Variants in TTN observed in about 807,000 individuals in gnomAD.
TTN encodes connectin.
Under a neutral mutation model 3,223.0 loss-of-function variants are expected in TTN, and 1,525 were observed. The observed-to-expected ratio is 0.47, with a 90% CI of 0.45 to 0.49. The LOEUF (loss-of-function observed/expected upper bound fraction) is 0.49, where lower values mean the gene tolerates loss of function less well. TTN is among the 20% of genes least tolerant of loss of function. The pLI, the probability that TTN is intolerant of heterozygous loss-of-function variation, is 0.00. For missense variants in TTN, 40,786 were observed against 43,424.0 expected, an observed-to-expected ratio of 0.94 and a Z score of 5.40; for synonymous variants, 14,094 against 15,161.0, an observed-to-expected ratio of 0.93 and a Z score of 5.17.
intron 33 of TTN, among the ~76,000 whole-genome samples, chr2:178,772,735 T>A (rs1462047654): frequency 1.3e-5 from 2 of 152,168 alleles, no homozygotes; most frequent in African/African-American, 4.8e-5. Context: ...TATTGGAATA[T>A]ACAAATAGAA....
In TTN at chr2:178,724,432, C is replaced by G. The variant is rs746471698; in HGVS notation, c.20943G>C (p.Trp6981Cys). Residue 6981 changes from tryptophan to cysteine, a missense_variant, in exon 72 of 363, where the codon TGG (tryptophan) becomes TGC (cysteine). Trp to Cys is a radical substitution (Grantham distance 215). Coordinates refer to ENST00000589042, the MANE Select transcript of TTN (RefSeq NM_001267550.2). ...VAGTPELSVE[W>C]YKDGKLLTSS... ...TGGTCAACAGCTTTCCATCCTTGTACCATTCAACAGAGAGTTCCGGAGTGC... is the reference window on the plus strand; with the variant it reads ...TGGTCAACAGCTTTCCATCCTTGTAGCATTCAACAGAGAGTTCCGGAGTGC... The G allele has an allele frequency of 2.5e-6, 4 of 1,613,312 alleles. No homozygotes were observed. The East Asian group carries it at 8.9e-5, about 36-fold the overall frequency.
At chr2:178,793,328 C>T in intron 9 of TTN, 76 bp downstream of exon 9, 1 of 1,567,082 alleles carries the variant, frequency 6.4e-7, no homozygotes, top group Non-Finnish European at 8.7e-7. Context: ...GAACAACACT[C>T]TTCATGGTAA....
In TTN at chr2:178,605,463, A is replaced by G. The variant is rs1559722949; in HGVS notation, c.53832T>C (p.Gly17944=). The G allele has an allele frequency of 6.2e-7, 1 of 1,611,590 alleles. No individual in the cohort carries two copies. Among genetic ancestry groups the G allele is most frequent in the Non-Finnish European group, 8.5e-7 (1 of 1,178,482 alleles). The change falls in exon 279 of 363, where the codon GGT becomes GGC. Residue 17944 remains glycine (G), a synonymous_variant. Coordinates refer to ENST00000589042, the MANE Select transcript of TTN (RefSeq NM_001267550.2). ...TAAGAGGTAGGGATGGTTCACTTTC[A>G]CCAATTTCATTGACAGCTTTGACAC... ...EFRVKAVNEI[G]ESEPSLPLNV...
In TTN at chr2:178,784,196, G is replaced by A. The variant is rs775588479; in HGVS notation, c.2649C>T (p.Phe883=). 2.3e-5 allele frequency: 37 copies of A among 1,614,054 alleles called. No homozygotes were observed. The highest frequency in any genetic ancestry group is 1.1e-4 in the South Asian group (10 of 91,088). ...TCTTGTAAGTATCTGGTGTGTCAGC[G>A]AAGGGGAACTGTGGCAAGGGTGTGG... ...AEPTPLPQFP[F]ADTPDTYKSE... is the part of the protein sequence containing the mutation. Residue 883 remains phenylalanine, a synonymous_variant, in exon 16 of 363, where the codon TTC becomes TTT. Coordinates refer to ENST00000589042, the MANE Select transcript of TTN (RefSeq NM_001267550.2).
chr2:178,779,145 A>C (rs753799697), intron 23 of TTN, 27 bp from the exon 24 acceptor site: 59 of 1,613,280 alleles, frequency 3.7e-5, no homozygotes, highest in African/African-American at 5.3e-5. Flanking sequence ...GCATGTATGA[A>C]TAAAATTTAC....
In TTN at chr2:178,728,167, A is replaced by C. The variant is rs377449031; in HGVS notation, c.19657T>G (p.Cys6553Gly). The change falls in exon 67 of 363, where the codon TGC (cysteine) becomes GGC (glycine). Residue 6553 changes from cysteine (C) to glycine (G), a missense_variant. By Grantham distance (159) the Cys-to-Gly change is radical. Coordinates refer to ENST00000589042, the MANE Select transcript of TTN (RefSeq NM_001267550.2). ...LELEDTANYT[C>G]KVSNVAGDDA... The stretch of plus-strand genomic sequence containing the variant: ...TCTCCTGCTACATTTGACACTTTGC[A>C]TGTGTAATTTGCAGTATCTTCTAAT... 1 of 1,610,902 alleles carries C rather than the reference A, an allele frequency of 6.2e-7. No homozygotes were observed. The highest frequency in any genetic ancestry group is 8.5e-7 in the Non-Finnish European group (1 of 1,178,132).
At chr2:178,760,373 T>C (rs1478469526) in intron 43 of TTN, among the ~76,000 whole-genome samples, 2 of 151,774 alleles carry the variant, frequency 1.3e-5, no homozygotes, top group Non-Finnish European at 2.9e-5. Flanking sequence ...CTCCTGAAAA[T>C]ACAAAAATTA....
rs1686869145 is a variant in TTN, at chr2:178,527,334, G to C, written c.107681-27C>G. On this transcript the variant is annotated intron_variant, in intron 362 of 362. Transcript: ENST00000589042. ...TTTATGGAACAATGACAAAAAAAAG[G>C]TCTTAGAATCACTGAAAAAAATAAA... is the stretch of plus-strand genomic sequence containing the variant. The C allele has an allele frequency of 2.5e-6, 4 of 1,571,462 alleles. No individual in the cohort carries two copies. The East Asian group carries it at 9.0e-5, about 35-fold the overall frequency.
In TTN at chr2:178,778,674, T is replaced by C. The variant is rs2092475644; in HGVS notation, c.4208+200A>G. The C allele has an allele frequency of 6.9e-5, 47 of 682,792 alleles. 1 individual carries two copies. In the South Asian group the frequency reaches 7.7e-4, roughly 11 times the overall value. 42.3% of individuals were successfully genotyped at this position (682,792 alleles called of 1,614,324 possible). A position where few individuals can be genotyped will look rare whatever the true frequency, so the allele number is the denominator to read the frequency against. On this transcript the variant is annotated intron_variant, in intron 24 of 362. Coordinates refer to ENST00000589042, the MANE Select transcript of TTN (RefSeq NM_001267550.2). The stretch of plus-strand genomic sequence containing the variant: ...TATAGCACTAGGAAAATAAACAGTA[T>C]GTTACACTGATGAAAATTCTTTGCT...
Position 178,540,388 on chromosome 2 carries a change from A to C in TTN, c.97796-18T>G. ...TGGAGGAGCTGAGAATAAGAATAAG[A>C]ATATACTGGTTAAAGTTGCTGCAAA... On this transcript the variant is annotated intron_variant, in intron 350 of 362. Coordinates refer to ENST00000589042, the MANE Select transcript of TTN (RefSeq NM_001267550.2). 7 of 1,589,648 alleles carry C rather than the reference A, an allele frequency of 4.4e-6. No individual in the cohort carries two copies. Among genetic ancestry groups the C allele is most frequent in the Non-Finnish European group, 6.0e-6 (7 of 1,166,850 alleles).
intron 288 of TTN, 95 bp from the exon 289 acceptor site, chr2:178,599,945 G>T: frequency 8.5e-7 from 1 of 1,181,104 alleles, no homozygotes; most frequent in Non-Finnish European, 1.2e-6. Context: ...TGGATCCACT[G>T]TAGGCAGACT....
intron 240 of TTN, 113 bp downstream of exon 240, chr2:178,629,188 A>G: frequency 7.3e-7 from 1 of 1,364,376 alleles, no homozygotes; most frequent in African/African-American, 1.5e-5. Flanking sequence ...GGAAAGAGAA[A>G]GGCAAAGACA....
chr2:178,664,081 C>T lies in TTN; in HGVS notation c.36298G>A (p.Glu12100Lys), dbSNP rs1553792448. 1.2e-6 allele frequency: 2 copies of T among 1,611,740 alleles called. No individual in the cohort carries two copies. Among genetic ancestry groups the T allele is most frequent in the South Asian group, 2.2e-5 (2 of 90,790 alleles). Residue 12100 changes from glutamate (E) to lysine (K), a missense_variant, in exon 169 of 363, where the codon GAG (glutamate) becomes AAG (lysine). Transcript: ENST00000589042. ...GACACTTTCTTTTCAGGGATAATCT[C>T]TTTGGGAGCTTCGTGCACTTGAAAG... ...VPVKVHEAPK[E>K]IIPEKKVSVV... is the part of the protein sequence containing the mutation.
rs754744644 is a variant in TTN at position 178,528,956 on chromosome 2, C to A, written c.106795G>T (p.Ala35599Ser). Reference sequence around the variant, plus strand: ...GCATGAGTTCTGACTTCTTCTGATGCCTGTGATGTTTTAGTGATTTCCTCA... The same window carrying A: ...GCATGAGTTCTGACTTCTTCTGATGACTGTGATGTTTTAGTGATTTCCTCA... ...VHEEITKTSQ[A>S]SEEVRTHAEI... The change falls in exon 360 of 363, where the codon GCA becomes TCA. Residue 35599 changes from alanine to serine, a missense_variant. Ala to Ser is a moderately conservative substitution (Grantham distance 99). Coordinates refer to ENST00000589042, the MANE Select transcript of TTN (RefSeq NM_001267550.2). 2 of 1,613,840 alleles carry A rather than the reference C, an allele frequency of 1.2e-6. No homozygotes were observed. Among genetic ancestry groups the A allele is most frequent in the Admixed American group, 3.3e-5 (2 of 60,002 alleles).
rs866763453 is a variant in TTN, at chr2:178,584,529, G to A, written c.65022C>T (p.Asp21674=). 1.6e-5 allele frequency: 26 copies of A among 1,612,956 alleles called. No homozygotes were observed. In the Middle Eastern group the frequency reaches 2.1e-3, roughly 133 times the overall value. ...GTCTGTCCCAAGCAACAAAAATACA[G>A]TCCTTGTTGACTTTGGTGACTCGTG... ...KNARVTKVNK[D]CIFVAWDRPD... The change falls in exon 311 of 363, where the codon GAC becomes GAT. Residue 21674 remains aspartate (D), a synonymous_variant. Coordinates refer to ENST00000589042, the MANE Select transcript of TTN (RefSeq NM_001267550.2).
chr2:178,740,138 T>C lies in TTN; in HGVS notation c.13095A>G (p.Ala4365=), dbSNP rs2082233890. 2 of 1,613,848 alleles carry C rather than the reference T, an allele frequency of 1.2e-6. No homozygotes were observed. Among genetic ancestry groups the C allele is most frequent in the Non-Finnish European group, 1.7e-6 (2 of 1,179,830 alleles). ...CCTGTACCTCCTGCACTTTCTTTAT[T>C]GCCACGGGCTCTCTTTTAGACTCAA... is the stretch of plus-strand genomic sequence containing the variant. ...QIIESKREPV[A]IKKVQEVQGR... is the part of the protein sequence containing the mutation. Residue 4365 remains alanine (A), a synonymous_variant, in exon 48 of 363, where the codon GCA becomes GCG. Transcript: ENST00000589042.
Position 178,552,766 on chromosome 2 carries a change from G to A in TTN, c.90134C>T (p.Thr30045Ile), listed in dbSNP as rs763963229. The change falls in exon 335 of 363, where the codon ACA (threonine) becomes ATA (isoleucine). Residue 30045 changes from threonine to isoleucine, a missense_variant. Thr to Ile is a moderately conservative substitution (Grantham distance 89). Coordinates refer to ENST00000589042, the MANE Select transcript of TTN (RefSeq NM_001267550.2). ...TTTGGTCCAGCTGAGGATGACAGAT[G>A]TCTTTGTTGAGTCTTTCATTGAGAG... is the stretch of plus-strand genomic sequence containing the variant. ...RDLSMKDSTK[T>I]SVILSWTKPD... 22 of 1,613,850 alleles carry A rather than the reference G, an allele frequency of 1.4e-5. No homozygotes were observed. The highest frequency in any genetic ancestry group is 5.1e-6 in the Non-Finnish European group (6 of 1,179,852).
Position 178,663,705 on chromosome 2 carries a change from C to G in TTN, c.36454G>C (p.Glu12152Gln), listed in dbSNP as rs751592805. The change falls in exon 171 of 363, where the codon GAG becomes CAG. Residue 12152 changes from glutamate to glutamine, a missense_variant. Physicochemically the swap from Glu to Gln is conservative, Grantham distance 29. Transcript: ENST00000589042. ...EPEVPPVKVP[E>Q]PPKEVVPEKK... Reference sequence around the variant, plus strand: ...TCAGGAACTACTTCTTTGGGAGGCTCTGGTACTTAAAAGATATTAGCAAAA... The same window carrying G: ...TCAGGAACTACTTCTTTGGGAGGCTGTGGTACTTAAAAGATATTAGCAAAA... 10 of 1,613,370 alleles carry G rather than the reference C, an allele frequency of 6.2e-6. No homozygotes were observed. In the East Asian group the frequency reaches 2.2e-4, roughly 36 times the overall value.
In TTN at chr2:178,671,130, C is replaced by T. The variant is rs778338717; in HGVS notation, c.35268G>A (p.Pro11756=). The T allele has an allele frequency of 1.6e-5, 26 of 1,602,848 alleles. No individual in the cohort carries two copies. Among genetic ancestry groups the T allele is most frequent in the South Asian group, 5.6e-5 (5 of 88,984 alleles). ...CTTTTCGAGGAACAACTTTAGTGGG[C>T]GGTTTTTTTGGAGGGATGATTTTCT... ...ISEKIIPPKK[P]PTKVVPRKEP... Residue 11756 remains proline (P), a synonymous_variant, in exon 156 of 363, where the codon CCG becomes CCA. Transcript: ENST00000589042.
Sources: allele counts gnomAD v4.1 joint callset (sites outside exome capture counted in the v4.1 genomes callset), GRCh38; gene constraint gnomAD v4.1.1; transcripts MANE v1.5; gene names NCBI Gene and HGNC (gene_info 2026-07-23, HGNC 2026-07-21).